Variants in IGSF11 observed in about 807,000 individuals in gnomAD.
The protein encoded by IGSF11 is immunoglobulin superfamily member 11.
Under a neutral mutation model 41.0 loss-of-function variants are expected in IGSF11, and 22 were observed. That is an observed-to-expected ratio of 0.54 (90% CI 0.38 to 0.77). The LOEUF (loss-of-function observed/expected upper bound fraction) is 0.77. Among genes scored for constraint, IGSF11 ranks in the 30% least tolerant of loss-of-function variants. The pLI is 0.00. For synonymous variants in IGSF11, 219 were observed against 201.3 expected (o/e 1.09, Z -0.74); for missense variants, 444 against 530.8 (o/e 0.84, Z 1.61).
chr3:119,122,615 C>T (rs551423408), intron 1 of IGSF11, among the ~76,000 whole-genome samples: 161 of 152,314 alleles, frequency 1.1e-3, no homozygotes, highest in African/African-American at 3.8e-3. Context: ...GCAGGCTGTA[C>T]AGCTCACAGT....
At chr3:119,109,483 T>C (rs1462200596), upstream of IGSF11, among the ~76,000 whole-genome samples, 3 of 152,150 alleles carry the variant, frequency 2.0e-5, no homozygotes, top group African/African-American at 7.2e-5. Flanking sequence ...TCTCTCTTTT[T>C]TTCTTTATTA....
chr3:118,916,486 A>G (rs1292124775), intron 4 of IGSF11, among the ~76,000 whole-genome samples: 1 of 151,886 alleles, frequency 6.6e-6, no homozygotes, highest in African/African-American at 2.4e-5. Flanking sequence ...ACTTTAAACC[A>G]ACAAAGATCA....
intron 1 of IGSF11, among the ~76,000 whole-genome samples, chr3:118,998,611 C>T (rs536551274): frequency 1.1e-3 from 167 of 151,342 alleles, no homozygotes; most frequent in African/African-American, 4.0e-3. Context: ...ATAGCAATTT[C>T]AAATATGTCA....
intron 1 of IGSF11, among the ~76,000 whole-genome samples, chr3:118,953,785 C>CTAATTTGTTTG (rs879447346): frequency 3.3e-5 from 5 of 151,864 alleles, no homozygotes; most frequent in Non-Finnish European, 7.4e-5. Context: ...GAGTTCCTTG[C>CTAATTTGTTTG]AGATTCTGGA....
intron 1 of IGSF11, among the ~76,000 whole-genome samples, chr3:119,030,142 T>C (rs1160684018): frequency 2.6e-5 from 4 of 152,230 alleles, no homozygotes; most frequent in Admixed American, 2.6e-4. Flanking sequence ...CTTATATCTC[T>C]CTCAAGATCA....
At chr3:119,043,042 T>G (rs1941181824) in intron 1 of IGSF11, among the ~76,000 whole-genome samples, 1 of 152,074 alleles carries the variant, frequency 6.6e-6, no homozygotes, top group Non-Finnish European at 1.5e-5. Flanking sequence ...GTGTTATAGC[T>G]CTATTAGAAG....
intron 1 of IGSF11, among the ~76,000 whole-genome samples, chr3:118,991,156 C>T (rs1010798718): frequency 7.9e-5 from 12 of 152,204 alleles, no homozygotes; most frequent in African/African-American, 2.9e-4. Context: ...ATACACCATT[C>T]TTCTGGGAGT....
At chr3:118,960,919 TCAG>T (rs1387733819) in intron 1 of IGSF11, among the ~76,000 whole-genome samples, 6 of 152,230 alleles carry the variant, frequency 3.9e-5, no homozygotes, top group African/African-American at 1.4e-4. Context: ...GACTTGCTAA[TCAG>T]CAATATTTCA....
chr3:119,056,590 GAA>G (rs1258631922), intron 1 of IGSF11, among the ~76,000 whole-genome samples: 11 of 152,130 alleles, frequency 7.2e-5, no homozygotes, highest in African/African-American at 2.4e-4. Flanking sequence ...CCAATTAACA[GAA>G]AAAGAGGGAA....
chr3:118,919,325 C>G (rs1166965752), intron 4 of IGSF11, among the ~76,000 whole-genome samples: 31 of 135,032 alleles, frequency 2.3e-4, no homozygotes, highest in African/African-American at 7.6e-4. Context: ...AACAGGCAAC[C>G]TACAACATGG....
At chr3:119,105,958 C>G (rs149575345), upstream of IGSF11, among the ~76,000 whole-genome samples, 1 of 152,060 alleles carries the variant, frequency 6.6e-6, no homozygotes, top group African/African-American at 2.4e-5. Context: ...TCTTTCTACA[C>G]GGAGGCAAAA....
intron 1 of IGSF11, among the ~76,000 whole-genome samples, chr3:119,052,465 G>A (rs998931217): frequency 6.8e-6 from 1 of 146,354 alleles, no homozygotes; most frequent in East Asian, 2.0e-4. Context: ...GAGGGAGGGA[G>A]GGAGGGAAGG....
intron 4 of IGSF11, among the ~76,000 whole-genome samples, chr3:118,917,459 T>A (rs1272204117): frequency 2.8e-5 from 4 of 145,284 alleles, no homozygotes; most frequent in African/African-American, 1.1e-4. Context: ...CAAACTACCA[T>A]CAGAGAATAC....
chr3:119,074,234 C>T (rs775740231), intron 1 of IGSF11, among the ~76,000 whole-genome samples: 1 of 152,144 alleles, frequency 6.6e-6, no homozygotes. Flanking sequence ...GCATATGGCA[C>T]ATACTCTAAA....
chr3:119,005,542 C>G (rs893707770), intron 1 of IGSF11, among the ~76,000 whole-genome samples: 1 of 138,758 alleles, frequency 7.2e-6, no homozygotes, highest in Non-Finnish European at 1.5e-5. Flanking sequence ...TTAGTTGATG[C>G]AGTTTCTTCC....
chr3:118,975,619 G>C (rs1175665300), intron 1 of IGSF11, among the ~76,000 whole-genome samples: 1 of 152,092 alleles, frequency 6.6e-6, no homozygotes, highest in Non-Finnish European at 1.5e-5. Context: ...AATCAACCTA[G>C]GTGGCCATCA....
At chr3:119,027,949 T>C (rs892450793) in intron 1 of IGSF11, among the ~76,000 whole-genome samples, 2 of 152,196 alleles carry the variant, frequency 1.3e-5, no homozygotes, top group African/African-American at 4.8e-5. Flanking sequence ...CAAGAAGTGA[T>C]GCTTACTACA....
chr3:118,974,752 A>G (rs529450624), intron 1 of IGSF11, among the ~76,000 whole-genome samples: 4 of 152,164 alleles, frequency 2.6e-5, no homozygotes, highest in Non-Finnish European at 5.9e-5. Context: ...GGTTTCCACC[A>G]TATCACTATA....
intron 4 of IGSF11, among the ~76,000 whole-genome samples, chr3:118,914,137 T>G (rs1173337171): frequency 2.0e-5 from 3 of 152,106 alleles, no homozygotes; most frequent in Non-Finnish European, 4.4e-5. Context: ...AATACACTTA[T>G]AACTCTGAAA....
Sources: allele counts gnomAD v4.1 joint callset (sites outside exome capture counted in the v4.1 genomes callset), GRCh38; gene constraint gnomAD v4.1.1; transcripts MANE v1.5; gene names NCBI Gene and HGNC (gene_info 2026-07-23, HGNC 2026-07-21).